Variants in OTUD7B observed in about 807,000 individuals in gnomAD.
OTUD7B encodes OTU deubiquitinase 7B.
Under a neutral mutation model 82.2 loss-of-function variants are expected in OTUD7B, and 34 were observed. The ratio of observed to expected loss-of-function variants is 0.41; its 90% CI spans 0.31 to 0.55. The LOEUF (loss-of-function observed/expected upper bound fraction) is 0.55. Among genes scored for constraint, OTUD7B ranks in the 20% least tolerant of loss-of-function variants. The pLI is 0.20. For missense variants in OTUD7B, 944 were observed against 1,062.1 expected (o/e 0.89, Z 1.55); for synonymous variants, 398 against 402.7 (o/e 0.99, Z 0.14).
chr1:149,944,846 T>C lies in OTUD7B; in HGVS notation c.1543A>G (p.Ser515Gly). ...CCCCCCATGTTCTTCTTGAGCTTGC[T>C]GCCCAAGGTTTTGCCAAAGCTGCCC... Reference protein sequence around the residue: ...KLGSFGKTLGSKLKKNMGGLM... With the variant: ...KLGSFGKTLGGKLKKNMGGLM... Residue 515 changes from serine (S) to glycine (G), a missense_variant, in exon 12 of 12, where the codon AGC becomes GGC. Physicochemically the swap from Ser to Gly is moderately conservative, Grantham distance 56 (BLOSUM62 0). Around this residue, in one of 3 missense-constraint regions of OTUD7B, gnomAD observed 412 missense variants for 418.7 expected, o/e 0.98. Transcript: ENST00000581312. 1 of 1,614,200 alleles carries C rather than the reference T, an allele frequency of 6.2e-7. No homozygotes were observed. Among genetic ancestry groups the C allele is most frequent in the South Asian group, 1.1e-5 (1 of 91,084 alleles).
chr1:150,045,094 A>AT, the OTUD7B span, among the ~76,000 whole-genome samples: 1 of 146,500 alleles, frequency 6.8e-6, no homozygotes, highest in Non-Finnish European at 1.5e-5. Context: ...CTTAAACTAA[A>AT]TTTTTTTTTT....
chr1:149,993,969 G>C (rs1651763867), intron 1 of OTUD7B, among the ~76,000 whole-genome samples: 2 of 152,236 alleles, frequency 1.3e-5, no homozygotes, highest in African/African-American at 4.8e-5. Context: ...CAATTACATA[G>C]GCCAAGTTTT....
chr1:150,037,175 T>C, the OTUD7B span, among the ~76,000 whole-genome samples: 4 of 152,064 alleles, frequency 2.6e-5, no homozygotes, highest in African/African-American at 9.6e-5. Context: ...TGAAGATCAA[T>C]TCCTAAGAAA....
intron 1 of OTUD7B, among the ~76,000 whole-genome samples, chr1:149,985,571 C>T (rs1651073310): frequency 6.6e-6 from 1 of 151,944 alleles, no homozygotes; most frequent in Non-Finnish European, 1.5e-5. Context: ...GAACCCATCT[C>T]TACAAAAAAA....
In OTUD7B at chr1:149,940,678, C is replaced by A. The variant is rs1286118126; in HGVS notation, c.*3179G>T. ...TGGGGTTAAAGGGTCTACCTTCCCC[C>A]TTCACTCACACACCCCTCCTTAACT... On this transcript the variant is annotated 3_prime_UTR_variant, in exon 12 of 12. Coordinates refer to ENST00000581312, the MANE Select transcript of OTUD7B (RefSeq NM_020205.4). 1.3e-5 allele frequency: 2 copies of A among 152,128 alleles called. No individual in the cohort carries two copies. The highest frequency in any genetic ancestry group is 1.3e-4 in the Admixed American group (2 of 15,282). The allele number at this position is 152,128 out of a possible 1,614,324, so 9.4% of individuals were successfully genotyped here.
In OTUD7B at chr1:149,989,730, C is replaced by A. The variant is rs1344801784; in HGVS notation, c.-66-12154G>T. ...CTCCAGCCTGGGTGACAGGGTGAGA[C>A]CCTGTTAAAAAAAAAAAGAAGAAGA... is the stretch of plus-strand genomic sequence containing the variant. On this transcript the variant is annotated intron_variant, in intron 1 of 11. Coordinates refer to ENST00000581312, the MANE Select transcript of OTUD7B (RefSeq NM_020205.4). Among the ~76,000 whole-genome samples the A allele has an allele frequency of 2.6e-4, 3 of 11,448 alleles. No individual in the cohort carries two copies. The South Asian group carries it at 5.4e-3, about 21-fold the overall frequency. 7.5% of individuals were successfully genotyped at this position (11,448 alleles called of 152,430 possible). A position where few individuals can be genotyped will look rare whatever the true frequency, so the allele number is the denominator to read the frequency against.
Position 149,939,403 on chromosome 1 carries a change from T to A in OTUD7B, c.*4454A>T, listed in dbSNP as rs587636018. The A allele has an allele frequency of 2.0e-5, 3 of 152,362 alleles. No individual in the cohort carries two copies. In the South Asian group the frequency reaches 6.2e-4, roughly 32 times the overall value. The allele number at this position is 152,362 out of a possible 1,614,324, so 9.4% of individuals were successfully genotyped here. A position where few individuals can be genotyped will look rare whatever the true frequency, so the allele number is the denominator to read the frequency against. On this transcript the variant is annotated 3_prime_UTR_variant, in exon 12 of 12. Coordinates refer to ENST00000581312, the MANE Select transcript of OTUD7B (RefSeq NM_020205.4). Reference sequence around the variant, plus strand: ...TACATGGGGACATCGTAATATTTTGTTACCCAACTGATGTATGGTGGCAAA... The same window carrying A: ...TACATGGGGACATCGTAATATTTTGATACCCAACTGATGTATGGTGGCAAA...
chr1:149,987,363 G>A (rs1553781090), intron 1 of OTUD7B, among the ~76,000 whole-genome samples: 1 of 152,160 alleles, frequency 6.6e-6, no homozygotes, highest in African/African-American at 2.4e-5. Context: ...AGAAAGAACT[G>A]GCTCTGGATT....
chr1:149,947,976 C>T (rs71578458), intron 10 of OTUD7B, among the ~76,000 whole-genome samples: 4 of 151,910 alleles, frequency 2.6e-5, no homozygotes, highest in East Asian at 1.9e-4. Context: ...ATTTTTATCA[C>T]GTATTTATTT....
intron 1 of OTUD7B, among the ~76,000 whole-genome samples, chr1:149,994,407 C>A (rs1553782901): frequency 1.3e-5 from 2 of 151,794 alleles, no homozygotes; most frequent in African/African-American, 4.8e-5. Flanking sequence ...ATGTTGAAAC[C>A]CCGTCTCTAC....
intron 7 of OTUD7B, among the ~76,000 whole-genome samples, chr1:149,956,932 C>T (rs1436627525): frequency 1.3e-5 from 2 of 151,954 alleles, no homozygotes; most frequent in East Asian, 1.9e-4. Flanking sequence ...GTTAGCCATT[C>T]GTCTAATCTT....
At chr1:150,021,623 A>G in the OTUD7B span, among the ~76,000 whole-genome samples, 2 of 152,190 alleles carry the variant, frequency 1.3e-5, no homozygotes, top group East Asian at 3.9e-4. Flanking sequence ...GGATGAGTGA[A>G]CCTGAACTAA....
chr1:150,060,246 T>G, the OTUD7B span, among the ~76,000 whole-genome samples: 1 of 152,212 alleles, frequency 6.6e-6, no homozygotes, highest in Non-Finnish European at 1.5e-5. Context: ...AATTCCTGTG[T>G]TGAAGTCCTG....
At chr1:149,954,628 G>A (rs1553774176) in intron 7 of OTUD7B, among the ~76,000 whole-genome samples, 1 of 152,204 alleles carries the variant, frequency 6.6e-6, no homozygotes, top group African/African-American at 2.4e-5. Flanking sequence ...AATGGTACCA[G>A]CTCCTCTTTG....
the OTUD7B span, among the ~76,000 whole-genome samples, chr1:150,065,531 T>C: frequency 6.6e-6 from 1 of 152,222 alleles, no homozygotes; most frequent in Non-Finnish European, 1.5e-5. Flanking sequence ...GTCTTTACTA[T>C]TGAAAATATT....
chr1:150,006,610 T>G (rs7552346), intron 1 of OTUD7B, among the ~76,000 whole-genome samples: 1,960 of 152,302 alleles, frequency 0.013, 48 homozygotes, highest in African/African-American at 0.045. Context: ...CCAGGAAATG[T>G]CTTTGTTAAG....
At chr1:150,038,998 C>A in the OTUD7B span, among the ~76,000 whole-genome samples, 1 of 152,128 alleles carries the variant, frequency 6.6e-6, no homozygotes, top group South Asian at 2.1e-4. Context: ...GAAATGTAAT[C>A]TTTATTATTA....
intron 7 of OTUD7B, among the ~76,000 whole-genome samples, chr1:149,950,983 T>TTTTTG (rs1648190899): frequency 4.3e-3 from 1 of 232 alleles, no homozygotes; most frequent in Non-Finnish European, 0.014. Context: ...TTGTATTTTT[T>TTTTTG]TTTTTTTTTT....
intron 8 of OTUD7B, 133 bp from the exon 9 acceptor site, chr1:149,949,911 C>A: frequency 7.8e-7 from 1 of 1,275,834 alleles, no homozygotes. Context: ...CTAAGAAGCC[C>A]TGTCAACTAA....
Sources: allele counts gnomAD v4.1 joint callset (sites outside exome capture counted in the v4.1 genomes callset), GRCh38; gene constraint gnomAD v4.1.1; regional missense constraint gnomAD v4.1.1; transcripts MANE v1.5; gene names NCBI Gene and HGNC (gene_info 2026-07-23, HGNC 2026-07-21).